DPEP1: variants seen among roughly 807,000 people sequenced by gnomAD.
The protein encoded by DPEP1 is beta-lactamase.
A neutral mutation model predicts 42.3 loss-of-function variants in DPEP1; 50 were observed. That is an observed-to-expected ratio of 1.18 (90% confidence interval 0.94 to 1.50). The LOEUF (loss-of-function observed/expected upper bound fraction) is 1.50. Among genes scored for constraint, DPEP1 ranks in the 40% most tolerant of loss-of-function variants. The probability of loss-of-function intolerance (pLI) is 0.00; values close to 1 mark genes in which losing one functional copy is unlikely to be tolerated. For synonymous variants in DPEP1, 297 were observed against 234.0 expected, an observed-to-expected ratio of 1.27 and a Z score of -2.46; for missense variants, 663 against 553.0, an observed-to-expected ratio of 1.20 and a Z score of -1.99.
chr16:89,626,907 C>A (rs1417763877), intron 1 of DPEP1, among the ~76,000 whole-genome samples: 1 of 150,216 alleles, frequency 6.7e-6, no homozygotes, highest in Non-Finnish European at 1.5e-5. Flanking sequence ...CACTTGGGGT[C>A]AGGAGTTTGA....
intron 1 of DPEP1, among the ~76,000 whole-genome samples, chr16:89,618,157 A>G (rs1325678270): frequency 6.6e-6 from 1 of 152,224 alleles, no homozygotes; most frequent in Admixed American, 6.5e-5. Flanking sequence ...ATAGAATAGG[A>G]TTTAACTCAT....
At chr16:89,614,834 C>T (rs532931104) in intron 1 of DPEP1, among the ~76,000 whole-genome samples, 3 of 152,208 alleles carry the variant, frequency 2.0e-5, no homozygotes, top group East Asian at 1.9e-4. Flanking sequence ...GGGTAGGGTG[C>T]GGGGAGCTTC....
At chr16:89,626,282 C>T (rs2059510652) in intron 1 of DPEP1, among the ~76,000 whole-genome samples, 1 of 152,148 alleles carries the variant, frequency 6.6e-6, no homozygotes. Context: ...ATCGTGGGGC[C>T]ATTCACCCCA....
At chr16:89,634,092 T>TTCTTCTTC (rs72160735) in intron 2 of DPEP1, among the ~76,000 whole-genome samples, 2,728 of 54,314 alleles carry the variant, frequency 0.05, 78 homozygotes, top group African/African-American at 0.11. Flanking sequence ...TCTCTTCTTC[T>TTCTTCTTC]TTTTTTTTTT....
chr16:89,623,582 G>T (rs1261678994), intron 1 of DPEP1, among the ~76,000 whole-genome samples: 1 of 152,172 alleles, frequency 6.6e-6, no homozygotes, highest in Non-Finnish European at 1.5e-5. Flanking sequence ...AAGCAGATCT[G>T]CTTCCCTGAC....
chr16:89,621,181 C>T (rs1264055669), intron 1 of DPEP1, among the ~76,000 whole-genome samples: 1 of 151,990 alleles, frequency 6.6e-6, no homozygotes, highest in East Asian at 1.9e-4. Context: ...CTCATGGGAG[C>T]TGGGAGCCTG....
intron 2 of DPEP1, 152 bp from the exon 3 acceptor site, chr16:89,635,756 C>G: frequency 9.0e-7 from 1 of 1,114,354 alleles, no homozygotes; most frequent in Non-Finnish European, 1.2e-6. Flanking sequence ...TTCAGGTGGC[C>G]GGTGATATGT....
At position 89,636,296 on chromosome 16, in the gene DPEP1, G is replaced by A. The variant is rs2059677783; in HGVS notation, c.270G>A (p.Gln90=). ...CCGTGTACACGCCCTGCGACACCCA[G>A]AACAAAGACGCCGTGCGGAGGACGC... ...FWSVYTPCDT[Q]NKDAVRRTLE... is the part of the protein sequence containing the mutation. The change falls in exon 4 of 11, where the codon CAG becomes CAA. Residue 90 remains glutamine, a synonymous_variant. Transcript: ENST00000690203. 6.2e-7 allele frequency: 1 copy of A among 1,611,578 alleles called. No homozygotes were observed. The highest frequency in any genetic ancestry group is 8.5e-7 in the Non-Finnish European group (1 of 1,179,624).
At chr16:89,639,947 T>A (rs1240301062), downstream of DPEP1, among the ~76,000 whole-genome samples, 1 of 152,188 alleles carries the variant, frequency 6.6e-6, no homozygotes, top group African/African-American at 2.4e-5. Context: ...AGTGCTGGGA[T>A]TACAGGCGTG....
chr16:89,641,048 C>T (rs1025378738), downstream of DPEP1, among the ~76,000 whole-genome samples: 1 of 152,306 alleles, frequency 6.6e-6, no homozygotes, highest in South Asian at 2.1e-4. Context: ...GAGAGGACAG[C>T]TTACGCCATT....
chr16:89,618,861 A>T (rs936321440), intron 1 of DPEP1, among the ~76,000 whole-genome samples: 1 of 151,828 alleles, frequency 6.6e-6, no homozygotes, highest in Admixed American at 6.6e-5. Flanking sequence ...TTTGCTCTTT[A>T]CGTACGCACA....
At position 89,630,526 on chromosome 16, in the gene DPEP1, C is replaced by T. The variant is rs756389549; in HGVS notation, c.104+12C>T. On this transcript the variant is annotated intron_variant, in intron 2 of 10. Coordinates refer to ENST00000690203, the MANE Select transcript of DPEP1 (RefSeq NM_001389466.1). ...CCTGTCATTGATGGGTGAGTGCTCACCTGAGCCAGGTGCTTAGGGAACCAG... is the reference window on the plus strand; with the variant it reads ...CCTGTCATTGATGGGTGAGTGCTCATCTGAGCCAGGTGCTTAGGGAACCAG... The T allele has an allele frequency of 7.7e-6, 12 of 1,551,940 alleles. No individual in the cohort carries two copies. In the East Asian group the frequency reaches 3.0e-4, roughly 38 times the overall value.
At chr16:89,620,184 G>A (rs920722599) in intron 1 of DPEP1, among the ~76,000 whole-genome samples, 3 of 151,986 alleles carry the variant, frequency 2.0e-5, no homozygotes, top group East Asian at 2.0e-4. Context: ...TCAACCCATC[G>A]CACTTACAGA....
At chr16:89,629,576 T>C (rs1292050136) in intron 1 of DPEP1, among the ~76,000 whole-genome samples, 2 of 141,880 alleles carry the variant, frequency 1.4e-5, no homozygotes, top group Admixed American at 7.2e-5. Context: ...TTAGCCCCAG[T>C]GCTCAGCCCA....
At chr16:89,627,275 A>AAG (rs2059526761) in intron 1 of DPEP1, among the ~76,000 whole-genome samples, 1 of 148,170 alleles carries the variant, frequency 6.7e-6, no homozygotes, top group African/African-American at 2.5e-5. Context: ...TCCGTCTCAA[A>AAG]AAAAAAAAAA....
intron 1 of DPEP1, among the ~76,000 whole-genome samples, chr16:89,628,104 G>C (rs1346527760): frequency 6.6e-6 from 1 of 150,824 alleles, no homozygotes; most frequent in African/African-American, 2.4e-5. Flanking sequence ...TTTTATTTTT[G>C]GTAGAGACGG....
chr16:89,639,633 A>T (rs557616478), downstream of DPEP1, among the ~76,000 whole-genome samples: 1 of 150,756 alleles, frequency 6.6e-6, no homozygotes, highest in East Asian at 2.0e-4. Flanking sequence ...GCTCATTCTG[A>T]TTCTGTAAAC....
At chr16:89,625,669 C>A (rs996043192) in intron 1 of DPEP1, among the ~76,000 whole-genome samples, 1 of 152,100 alleles carries the variant, frequency 6.6e-6, no homozygotes, top group South Asian at 2.1e-4. Flanking sequence ...CAGTGTAGGG[C>A]AGGAGAAGAA....
At chr16:89,627,862 G>A (rs1030761362) in intron 1 of DPEP1, among the ~76,000 whole-genome samples, 8 of 151,764 alleles carry the variant, frequency 5.3e-5, no homozygotes, top group African/African-American at 1.9e-4. Flanking sequence ...GTTTCACCAT[G>A]TTGGTCAGGC....
Sources: gnomAD v4.1 joint callset for allele counts (sites outside exome capture counted in the v4.1 genomes callset) on GRCh38, gnomAD v4.1.1 for gene constraint, MANE v1.5 for transcripts, NCBI Gene and HGNC (gene_info 2026-07-23, HGNC 2026-07-21) for gene names.